PCDH11X: variants seen among roughly 807,000 people sequenced by gnomAD.
PCDH11X encodes the protein protocadherin 11 X-linked, also known as protocadherin-11 X-linked.
In PCDH11X, 18 loss-of-function variants were observed where a neutral mutation model predicts 53.3. The observed-to-expected ratio is 0.34, with a 90% CI of 0.23 to 0.50. The LOEUF (loss-of-function observed/expected upper bound fraction) is 0.50. PCDH11X is among the 20% of genes least tolerant of loss of function. The pLI, the probability that PCDH11X is intolerant of heterozygous loss-of-function variation, is 0.98. For missense variants in PCDH11X, 570 were observed against 1,032.4 expected, an observed-to-expected ratio of 0.55 and a Z score of 6.14; for synonymous variants, 279 against 393.3, an observed-to-expected ratio of 0.71 and a Z score of 3.44.
chrX:91,887,443 C>T (rs1330095876), intron 6 of PCDH11X, among the ~76,000 whole-genome samples: 2 of 110,749 alleles, frequency 1.8e-5, no homozygotes, highest in South Asian at 3.7e-4. Flanking sequence ...TTTCATACAT[C>T]GTGCGTGTTC....
intron 10 of PCDH11X, among the ~76,000 whole-genome samples, chrX:92,486,694 C>T (rs186389999): frequency 3.1e-3 from 343 of 110,962 alleles, no homozygotes; most frequent in African/African-American, 0.011. Flanking sequence ...CCATATATTT[C>T]CAGGAGAGCT....
intron 6 of PCDH11X, among the ~76,000 whole-genome samples, chrX:92,157,648 T>A (rs1337648279): frequency 8.9e-6 from 1 of 111,886 alleles, no homozygotes; most frequent in African/African-American, 3.2e-5. Context: ...TAAATAATTG[T>A]TATAGACTCA....
At chrX:92,225,172 G>T (rs775717990) in intron 7 of PCDH11X, among the ~76,000 whole-genome samples, 1 of 110,831 alleles carries the variant, frequency 9.0e-6, no homozygotes, top group African/African-American at 3.3e-5. Context: ...CTCTTCTAAG[G>T]CAATATAATT....
chrX:92,545,410 T>TC (rs1397520476), intron 10 of PCDH11X, among the ~76,000 whole-genome samples: 4 of 76,697 alleles, frequency 5.2e-5, no homozygotes, highest in African/African-American at 1.8e-4. Flanking sequence ...TTTTTTTTTT[T>TC]TTTGTTTTTG....
At chrX:91,863,078 A>G (rs974552467) in intron 5 of PCDH11X, among the ~76,000 whole-genome samples, 29 of 109,926 alleles carry the variant, frequency 2.6e-4, no homozygotes, top group Admixed American at 6.9e-4. Flanking sequence ...TGTATTCTGC[A>G]GCTGTTGGAT....
intron 9 of PCDH11X, among the ~76,000 whole-genome samples, chrX:92,425,555 G>T (rs1256529474): frequency 9.1e-6 from 1 of 110,183 alleles, no homozygotes; most frequent in Non-Finnish European, 1.9e-5. Flanking sequence ...GGAAGATTGG[G>T]TTTGTCGTGC....
chrX:91,859,163 G>C (rs1410041485), intron 5 of PCDH11X, among the ~76,000 whole-genome samples: 1 of 112,070 alleles, frequency 8.9e-6, no homozygotes, highest in African/African-American at 3.2e-5. Flanking sequence ...TTGTCATTCT[G>C]ACTGTCCTGA....
chrX:91,880,755 ATAGT>A lies in PCDH11X; in HGVS notation c.3033+1487_3033+1490del, dbSNP rs201862749. On this transcript the variant is annotated intron_variant, in intron 6 of 10. Transcript: ENST00000682573. ...AGTTTAGATGAATCCCATATTTTAC[ATAGT>A]TAGTGGATCTGGGATGGGCAACAAA... Among the ~76,000 whole-genome samples, 841 of 110,929 alleles carry A rather than the reference ATAGT, an allele frequency of 7.6e-3. 10 individuals are homozygous for A. Among genetic ancestry groups the A allele is most frequent in the Middle Eastern group, 0.014 (3 of 216 alleles).
At chrX:92,317,862 G>T (rs1165570964) in intron 8 of PCDH11X, among the ~76,000 whole-genome samples, 1 of 110,966 alleles carries the variant, frequency 9.0e-6, no homozygotes, top group African/African-American at 3.3e-5. Flanking sequence ...TACCTTCTCA[G>T]ATTACTGTTA....
intron 6 of PCDH11X, among the ~76,000 whole-genome samples, chrX:91,955,931 A>G (rs1301067821): frequency 2.7e-5 from 3 of 109,724 alleles, no homozygotes; most frequent in African/African-American, 1.0e-4. Flanking sequence ...TGCTTTATGA[A>G]CCTGGGTGTT....
chrX:92,578,998 C>A (rs1262007612), intron 10 of PCDH11X, among the ~76,000 whole-genome samples: 3 of 109,544 alleles, frequency 2.7e-5, no homozygotes, highest in Non-Finnish European at 5.7e-5. Flanking sequence ...TTCTCCTTCA[C>A]TTATGAAGCT....
chrX:92,251,265 A>C (rs1032286914), intron 7 of PCDH11X, among the ~76,000 whole-genome samples: 1 of 110,923 alleles, frequency 9.0e-6, no homozygotes, highest in Non-Finnish European at 1.9e-5. Context: ...CAAGATTCAT[A>C]ATTAATTATT....
At chrX:92,574,716 C>T (rs1190450869) in intron 10 of PCDH11X, among the ~76,000 whole-genome samples, 2 of 111,092 alleles carry the variant, frequency 1.8e-5, no homozygotes, top group Non-Finnish European at 3.8e-5. Flanking sequence ...ATTAGACTTA[C>T]TAATTACTGG....
chrX:92,351,797 G>C (rs145531649), intron 8 of PCDH11X, among the ~76,000 whole-genome samples: 302 of 111,509 alleles, frequency 2.7e-3, no homozygotes, highest in Middle Eastern at 0.023. Flanking sequence ...GTATGGAAGA[G>C]GTTTGTTCAC....
intron 5 of PCDH11X, among the ~76,000 whole-genome samples, chrX:91,850,273 G>A (rs1434086452): frequency 9.1e-6 from 1 of 110,056 alleles, no homozygotes; most frequent in African/African-American, 3.3e-5. Context: ...AAACCTCAGT[G>A]TAATAGGCAT....
intron 10 of PCDH11X, among the ~76,000 whole-genome samples, chrX:92,474,379 T>C (rs1234338788): frequency 9.1e-6 from 1 of 109,352 alleles, no homozygotes; most frequent in African/African-American, 3.3e-5. Flanking sequence ...ATAGATTATA[T>C]AGTTTTTTTA....
chrX:92,405,954 G>T (rs905396320), intron 9 of PCDH11X, among the ~76,000 whole-genome samples: 51 of 109,075 alleles, frequency 4.7e-4, no homozygotes, highest in African/African-American at 1.7e-3. Flanking sequence ...AATTAGCTGG[G>T]CGTGGTGGCG....
rs775194351 is a variant in PCDH11X, at chrX:92,360,161, T to A, written c.3145-27574T>A. 2.7e-5 allele frequency among the ~76,000 whole-genome samples: 3 copies of A among 111,311 alleles called. No individual in the cohort carries two copies. In the East Asian group the frequency reaches 8.5e-4, roughly 31 times the overall value. On this transcript the variant is annotated intron_variant, in intron 8 of 10. Transcript: ENST00000682573. ...ATTGTTTCCTTATTTTAGAAGTACT[T>A]GTAGGGTATTTTATACTTTATACTT...
At chrX:92,481,264 C>T (rs1214823047) in intron 10 of PCDH11X, among the ~76,000 whole-genome samples, 4 of 106,459 alleles carry the variant, frequency 3.8e-5, no homozygotes, top group Non-Finnish European at 7.8e-5. Flanking sequence ...CTCATGCTGG[C>T]AGCAGTGGAA....
Sources: gnomAD v4.1 joint callset for allele counts (sites outside exome capture counted in the v4.1 genomes callset) on GRCh38, gnomAD v4.1.1 for gene constraint, MANE v1.5 for transcripts, NCBI Gene and HGNC (gene_info 2026-07-23, HGNC 2026-07-21) for gene names.